The following GDAP1 variants were observed in gnomAD, a reference collection of about 807,000 sequenced individuals.
GDAP1 encodes the protein ganglioside induced differentiation associated protein 1.
A neutral mutation model predicts 40.1 loss-of-function variants in GDAP1; 34 were observed. The ratio of observed to expected loss-of-function variants is 0.85; its 90% confidence interval spans 0.64 to 1.13. GDAP1 has a LOEUF of 1.13. Among genes scored for constraint, GDAP1 ranks in the 50% most tolerant of loss-of-function variants. The probability of loss-of-function intolerance (pLI) is 0.00; values close to 1 mark genes in which losing one functional copy is unlikely to be tolerated. For synonymous variants in GDAP1, 170 were observed against 157.4 expected, an observed-to-expected ratio of 1.08 and a Z score of -0.60; for missense variants, 374 against 433.7, an observed-to-expected ratio of 0.86 and a Z score of 1.22.
intron 2 of GDAP1, among the ~76,000 whole-genome samples, chr8:74,447,574 A>G (rs766899418): frequency 1.3e-5 from 2 of 152,122 alleles, no homozygotes; most frequent in Non-Finnish European, 2.9e-5. Flanking sequence ...TGTCCCCAAG[A>G]GAAAAAAGAC....
intron 2 of GDAP1, among the ~76,000 whole-genome samples, chr8:74,434,592 T>C (rs1806066584): frequency 6.6e-6 from 1 of 152,214 alleles, no homozygotes; most frequent in South Asian, 2.1e-4. Flanking sequence ...TGAGTTCTCA[T>C]TCTACTTAGT....
At chr8:74,358,171 A>T (rs1212013849) in intron 2 of GDAP1, among the ~76,000 whole-genome samples, 5 of 152,232 alleles carry the variant, frequency 3.3e-5, no homozygotes, top group Admixed American at 3.3e-4. Context: ...ATTTTCATGG[A>T]TTTAAACATT....
chr8:74,410,353 TAGC>T (rs981454310), intron 2 of GDAP1, among the ~76,000 whole-genome samples: 1 of 150,140 alleles, frequency 6.7e-6, no homozygotes, highest in Non-Finnish European at 1.5e-5. Flanking sequence ...TTTTTACCAT[TAGC>T]AGTAATGGAG....
At position 74,390,574 on chromosome 8, in the gene GDAP1, C is replaced by T. The variant is rs60440439; in HGVS notation, c.165+39253C>T. On this transcript the variant is annotated intron_variant, in intron 2 of 2. Transcript: ENST00000523640. The stretch of plus-strand genomic sequence containing the variant: ...AGAAGCTTCGTCCCAGAGGGGCACC[C>T]GCCAGATGCCAGCCAGAGCTCTCTC... Among the ~76,000 whole-genome samples the T allele has an allele frequency of 1.5e-3, 223 of 152,268 alleles. 1 individual carries two copies. The highest frequency in any genetic ancestry group is 6.8e-3 in the Middle Eastern group (2 of 294).
intron 2 of GDAP1, among the ~76,000 whole-genome samples, chr8:74,462,390 C>T (rs1263954769): frequency 6.6e-6 from 1 of 152,194 alleles, no homozygotes. Flanking sequence ...TCCTTCAATA[C>T]ATCTAATGAC....
At chr8:74,361,405 CT>C (rs1343526609) in intron 3 of GDAP1, among the ~76,000 whole-genome samples, 128 of 145,222 alleles carry the variant, frequency 8.8e-4, no homozygotes, top group Admixed American at 9.0e-4. Context: ...TTTTTCTTTT[CT>C]TTTTTTTTTT....
rs4418332 is a variant in GDAP1, at chr8:74,446,097, T to C, written c.166-42581T>C. On this transcript the variant is annotated intron_variant, in intron 2 of 2. Transcript: ENST00000523640. Reference sequence around the variant, plus strand: ...TCTCAGCTAATTAAAATAAAAACCTTTTGCCTTTTCTACTTCGGGGAGCTG... The same window carrying C: ...TCTCAGCTAATTAAAATAAAAACCTCTTGCCTTTTCTACTTCGGGGAGCTG... Among the ~76,000 whole-genome samples, 110 of 152,250 alleles carry C rather than the reference T, an allele frequency of 7.2e-4. 1 individual carries two copies. In the South Asian group the frequency reaches 0.022, roughly 31 times the overall value.
intron 2 of GDAP1, among the ~76,000 whole-genome samples, chr8:74,374,586 T>C (rs1293380045): frequency 1.3e-5 from 2 of 152,078 alleles, no homozygotes; most frequent in Middle Eastern, 3.4e-3. Flanking sequence ...ACTAACAAAA[T>C]TGATAAACCC....
chr8:74,444,014 CT>C (rs1806196450), intron 2 of GDAP1, among the ~76,000 whole-genome samples: 1 of 121,312 alleles, frequency 8.2e-6, no homozygotes, highest in African/African-American at 2.7e-5. Flanking sequence ...ATCTATCTAT[CT>C]ATCTATCTAT....
intron 2 of GDAP1, among the ~76,000 whole-genome samples, chr8:74,356,692 T>TGTGTGTGTGTTTG (rs1563440290): frequency 3.4e-4 from 32 of 95,308 alleles, no homozygotes; most frequent in Non-Finnish European, 6.4e-4. Context: ...GTGTGTGTGT[T>TGTGTGTGTGTTTG]TGTGTGTGTG....
At chr8:74,483,970 G>C (rs1045227417) in intron 2 of GDAP1, among the ~76,000 whole-genome samples, 2 of 152,150 alleles carry the variant, frequency 1.3e-5, no homozygotes, top group Non-Finnish European at 2.9e-5. Flanking sequence ...ATATAGTGAG[G>C]AGTACATGAC....
At position 74,386,559 on chromosome 8, in the gene GDAP1, C is replaced by T. The variant is rs529927665; in HGVS notation, c.165+35238C>T. On this transcript the variant is annotated intron_variant, in intron 2 of 2. Coordinates refer to the GDAP1 transcript ENST00000523640. ...ATTGCTCTATATCTCTGTTTTGGTA[C>T]CAGTACCATGCGATTTTTGTTACTG... is the stretch of plus-strand genomic sequence containing the variant. Among the ~76,000 whole-genome samples, 13 of 152,244 alleles carry T rather than the reference C, an allele frequency of 8.5e-5. No homozygotes were observed. The East Asian group carries it at 2.5e-3, about 29-fold the overall frequency.
At chr8:74,439,036 ATGTGTG>A (rs35345122) in intron 2 of GDAP1, among the ~76,000 whole-genome samples, 7 of 150,054 alleles carry the variant, frequency 4.7e-5, no homozygotes, top group African/African-American at 1.7e-4. Context: ...GTGTATATAT[ATGTGTG>A]TGTGTGTGTG....
chr8:74,364,531 C>A lies in GDAP1; in HGVS notation c.*164C>A. On this transcript the variant is annotated 3_prime_UTR_variant, in exon 6 of 6. Transcript: ENST00000220822. ...CACAGGGGTTCAGGTAGCAATAGGA[C>A]ACAAAATTGCTTTATTCTACAACTG... 1.3e-6 allele frequency: 1 copy of A among 757,426 alleles called. No homozygotes were observed. Among genetic ancestry groups the A allele is most frequent in the Non-Finnish European group, 2.3e-6 (1 of 434,534 alleles). The allele number at this position is 757,426 out of a possible 1,614,324, so 46.9% of individuals were successfully genotyped here. A position where few individuals can be genotyped will look rare whatever the true frequency, so the allele number is the denominator to read the frequency against.
intron 2 of GDAP1, among the ~76,000 whole-genome samples, chr8:74,377,214 T>G (rs922586672): frequency 4.3e-5 from 4 of 93,650 alleles, no homozygotes; most frequent in Non-Finnish European, 8.4e-5. Context: ...ATCAAAGTTA[T>G]AACTGCCTGT....
chr8:74,444,111 G>T lies in GDAP1; in HGVS notation c.166-44567G>T, dbSNP rs1248753101. ...TAGAAAAAAATTACCTATTGCAAAT[G>T]GTCCCTAAAGTTGAATAAGATGAAA... On this transcript the variant is annotated intron_variant, in intron 2 of 2. Transcript: ENST00000523640. 2.0e-5 allele frequency among the ~76,000 whole-genome samples: 3 copies of T among 151,294 alleles called. No homozygotes were observed. The East Asian group carries it at 5.8e-4, about 29-fold the overall frequency.
At chr8:74,481,346 G>C (rs1272079985) in intron 2 of GDAP1, among the ~76,000 whole-genome samples, 1 of 152,238 alleles carries the variant, frequency 6.6e-6, no homozygotes, top group Non-Finnish European at 1.5e-5. Context: ...AATAGCTGCA[G>C]TAATGGCATC....
At chr8:74,441,909 C>G (rs1351661903) in intron 2 of GDAP1, among the ~76,000 whole-genome samples, 1 of 152,162 alleles carries the variant, frequency 6.6e-6, no homozygotes, top group East Asian at 1.9e-4. Context: ...GAGACATACC[C>G]ATATCCACCT....
intron 2 of GDAP1, among the ~76,000 whole-genome samples, chr8:74,430,579 T>A (rs992757378): frequency 6.6e-6 from 1 of 152,086 alleles, no homozygotes; most frequent in Non-Finnish European, 1.5e-5. Context: ...AAGGGAAGAA[T>A]AAGCTGTAAA....
Sources: gnomAD v4.1 joint callset for allele counts (sites outside exome capture counted in the v4.1 genomes callset) on GRCh38, gnomAD v4.1.1 for gene constraint, MANE v1.5 for transcripts, NCBI Gene and HGNC (gene_info 2026-07-23, HGNC 2026-07-21) for gene names.